CRIM1: variants seen among roughly 807,000 people sequenced by gnomAD.
The protein encoded by CRIM1 is cysteine rich transmembrane BMP regulator 1, also known as cysteine-rich motor neuron 1 protein.
A neutral mutation model predicts 116.4 loss-of-function variants in CRIM1; 32 were observed. The observed-to-expected ratio is 0.27, with a 90% CI of 0.21 to 0.37. The LOEUF is 0.37. Ranked by LOEUF, CRIM1 falls within the 10% of genes least tolerant of loss-of-function variation. CRIM1 has a pLI of 1.00. For missense variants in CRIM1, 1,331 were observed against 1,354.8 expected (o/e 0.98, Z 0.28); for synonymous variants, 590 against 509.2 (o/e 1.16, Z -2.13).
Position 36,514,118 on chromosome 2 carries a change from T to C in CRIM1, c.1990+353T>C, listed in dbSNP as rs568592027. ...TATTAAGTCTGAATGTCCTCATTAA[T>C]ATGAGGGGATTGGTACTAGTTTTAT... On this transcript the variant is annotated intron_variant, in intron 11 of 16. Transcript: ENST00000280527. Among the ~76,000 whole-genome samples, 18 of 152,336 alleles carry C rather than the reference T, an allele frequency of 1.2e-4. 1 individual carries two copies. In the East Asian group the frequency reaches 2.9e-3, roughly 24 times the overall value.
chr2:36,444,184 G>T (rs1037567019), intron 4 of CRIM1, among the ~76,000 whole-genome samples: 4 of 152,206 alleles, frequency 2.6e-5, no homozygotes, highest in African/African-American at 9.7e-5. Context: ...ACAATTCTCA[G>T]TTCACTATTA....
intron 13 of CRIM1, among the ~76,000 whole-genome samples, chr2:36,534,403 A>G (rs1666361769): frequency 8.1e-6 from 1 of 122,964 alleles, no homozygotes; most frequent in Non-Finnish European, 1.7e-5. Context: ...GAAGGAAGGA[A>G]GGGAAAAATA....
At chr2:36,479,767 T>C in intron 7 of CRIM1, 73 bp downstream of exon 7, 3 of 1,453,198 alleles carry the variant, frequency 2.1e-6, no homozygotes, top group Non-Finnish European at 2.9e-6. Flanking sequence ...GCGTACGTTC[T>C]TGTTTGTTTA....
At chr2:36,393,291 A>G (rs1017543508) in intron 1 of CRIM1, among the ~76,000 whole-genome samples, 3 of 152,158 alleles carry the variant, frequency 2.0e-5, no homozygotes, top group Admixed American at 6.5e-5. Context: ...TGCTGTAATG[A>G]TAAGCTTTTA....
chr2:36,544,856 A>G (rs1035595447), intron 15 of CRIM1, among the ~76,000 whole-genome samples: 1 of 152,180 alleles, frequency 6.6e-6, no homozygotes, highest in Non-Finnish European at 1.5e-5. Flanking sequence ...GTAATCATGA[A>G]TTAGTCACTG....
chr2:36,419,798 C>T (rs556884678), intron 2 of CRIM1, among the ~76,000 whole-genome samples: 3 of 152,234 alleles, frequency 2.0e-5, no homozygotes, highest in Non-Finnish European at 2.9e-5. Context: ...CTGACATAGG[C>T]GATCTGCGCA....
intron 1 of CRIM1, among the ~76,000 whole-genome samples, chr2:36,392,584 A>G (rs1370674779): frequency 6.6e-6 from 1 of 152,208 alleles, no homozygotes; most frequent in Admixed American, 6.5e-5. Context: ...AACTGCTGTT[A>G]GCAGAACTCT....
intron 1 of CRIM1, among the ~76,000 whole-genome samples, chr2:36,366,968 A>AGTCT (rs1258226411): frequency 1.3e-5 from 2 of 152,228 alleles, no homozygotes; most frequent in Non-Finnish European, 2.9e-5. Flanking sequence ...TGTGTTTATA[A>AGTCT]GTCTGTAGAG....
intron 4 of CRIM1, among the ~76,000 whole-genome samples, chr2:36,457,756 T>TAAAAAAAAA (rs1339050686): frequency 6.9e-6 from 1 of 144,510 alleles, no homozygotes. Context: ...TTGCAGCCTT[T>TAAAAAAAAA]AAAAAAAAAA....
intron 4 of CRIM1, among the ~76,000 whole-genome samples, chr2:36,442,968 C>T (rs1303639926): frequency 6.6e-6 from 1 of 152,066 alleles, no homozygotes; most frequent in Non-Finnish European, 1.5e-5. Flanking sequence ...TGTAAGGGTG[C>T]CTGTACACTT....
chr2:36,517,200 A>G (rs1264936287), intron 11 of CRIM1, 127 bp from the exon 12 acceptor site: 1 of 695,062 alleles, frequency 1.4e-6, no homozygotes, highest in African/African-American at 1.8e-5. Context: ...TATTCTCTTA[A>G]TAAGAATAGA....
intron 2 of CRIM1, among the ~76,000 whole-genome samples, chr2:36,429,075 G>A (rs933421787): frequency 6.6e-5 from 10 of 152,172 alleles, no homozygotes; most frequent in Non-Finnish European, 1.0e-4. Flanking sequence ...GGGCTGCACC[G>A]TAGGGATTGA....
chr2:36,421,650 G>A (rs545578716), intron 2 of CRIM1, among the ~76,000 whole-genome samples: 48 of 152,206 alleles, frequency 3.2e-4, no homozygotes, highest in Admixed American at 6.5e-4. Flanking sequence ...GAGATTCTTA[G>A]GTGGGGACTC....
intron 4 of CRIM1, among the ~76,000 whole-genome samples, chr2:36,446,702 G>T (rs1049652421): frequency 7.9e-5 from 12 of 151,850 alleles, no homozygotes; most frequent in Non-Finnish European, 1.6e-4. Flanking sequence ...TTTTTCTTCT[G>T]TTGGCATGAA....
At chr2:36,448,718 G>C (rs184542266) in intron 4 of CRIM1, among the ~76,000 whole-genome samples, 115 of 152,152 alleles carry the variant, frequency 7.6e-4, no homozygotes, top group African/African-American at 2.5e-3. Context: ...TAAAAGTTCT[G>C]TTATCAATTT....
intron 5 of CRIM1, among the ~76,000 whole-genome samples, chr2:36,474,847 C>CA (rs56084308): frequency 0.3 from 27,079 of 90,524 alleles, 4,505 homozygotes; most frequent in East Asian, 0.39. Flanking sequence ...GACTCTATAT[C>CA]AAAAAAAAAA....
chr2:36,512,216 G>A, intron 9 of CRIM1, 57 bp from the exon 10 acceptor site: 1 of 1,588,762 alleles, frequency 6.3e-7, no homozygotes. Context: ...CTGAGTGCTT[G>A]GGCATCATTT....
intron 1 of CRIM1, among the ~76,000 whole-genome samples, chr2:36,382,667 G>A (rs1221133202): frequency 6.6e-6 from 1 of 152,250 alleles, no homozygotes; most frequent in Non-Finnish European, 1.5e-5. Flanking sequence ...GAGGTCCAGT[G>A]TGATGCTCCA....
At chr2:36,434,172 T>G (rs1319407353) in intron 2 of CRIM1, among the ~76,000 whole-genome samples, 1 of 152,246 alleles carries the variant, frequency 6.6e-6, no homozygotes, top group African/African-American at 2.4e-5. Context: ...ACGTATTACA[T>G]TTGTAATAAA....
Sources: gnomAD v4.1 joint callset for allele counts (sites outside exome capture counted in the v4.1 genomes callset) on GRCh38, gnomAD v4.1.1 for gene constraint, MANE v1.5 for transcripts, NCBI Gene and HGNC (gene_info 2026-07-23, HGNC 2026-07-21) for gene names.